CNTN4: variants seen among roughly 807,000 people sequenced by gnomAD.
CNTN4 encodes contactin-4.
In CNTN4, 77 loss-of-function variants were observed where a neutral mutation model predicts 122.5. The observed-to-expected ratio is 0.63, with a 90% CI of 0.52 to 0.76. CNTN4 has a LOEUF of 0.76. CNTN4 is among the 30% of genes least tolerant of loss of function. The pLI is 0.00. For missense variants in CNTN4, 1,256 were observed against 1,259.1 expected (o/e 1.00, Z 0.04); for synonymous variants, 512 against 447.0 (o/e 1.15, Z -1.83).
At chr3:2,416,080 C>G (rs969535232) in intron 3 of CNTN4, among the ~76,000 whole-genome samples, 33 of 151,858 alleles carry the variant, frequency 2.2e-4, no homozygotes, top group African/African-American at 7.5e-4. Context: ...TACTAGTGTG[C>G]CATGTTCTCA....
intron 3 of CNTN4, among the ~76,000 whole-genome samples, chr3:2,509,805 C>A (rs1022641715): frequency 2.6e-5 from 4 of 152,130 alleles, no homozygotes; most frequent in African/African-American, 7.2e-5. Flanking sequence ...GAAAGCCTCA[C>A]CTTTCTCTAC....
chr3:2,408,080 T>G (rs982405314), intron 3 of CNTN4, among the ~76,000 whole-genome samples: 2 of 152,208 alleles, frequency 1.3e-5, no homozygotes. Flanking sequence ...TAGCACTTAT[T>G]TGTTGCTTTG....
intron 3 of CNTN4, among the ~76,000 whole-genome samples, chr3:2,441,461 T>C (rs2048436524): frequency 6.6e-6 from 1 of 152,198 alleles, no homozygotes; most frequent in African/African-American, 2.4e-5. Flanking sequence ...AGACTCTTGT[T>C]CATGGAGAAA....
chr3:3,054,852 T>A (rs1315691537), intron 24 of CNTN4, among the ~76,000 whole-genome samples: 2 of 152,170 alleles, frequency 1.3e-5, no homozygotes, highest in African/African-American at 4.8e-5. Context: ...GTTATGTGTA[T>A]TTTACAGCAA....
chr3:2,403,244 A>T (rs1479440891), intron 3 of CNTN4, among the ~76,000 whole-genome samples: 2 of 152,058 alleles, frequency 1.3e-5, no homozygotes, highest in African/African-American at 4.8e-5. Flanking sequence ...CATCCCTTAC[A>T]CTAGATATAA....
intron 4 of CNTN4, among the ~76,000 whole-genome samples, chr3:2,633,966 G>C (rs2082550301): frequency 6.6e-6 from 1 of 152,168 alleles, no homozygotes; most frequent in Admixed American, 6.5e-5. Flanking sequence ...ATGAAGAAAT[G>C]CTTGCCTACT....
At chr3:2,378,994 A>G (rs925368394) in intron 3 of CNTN4, among the ~76,000 whole-genome samples, 1 of 152,062 alleles carries the variant, frequency 6.6e-6, no homozygotes, top group African/African-American at 2.4e-5. Flanking sequence ...CACTTCAACA[A>G]TTTTCCTTTT....
At chr3:2,163,401 T>C (rs561884347) in intron 2 of CNTN4, among the ~76,000 whole-genome samples, 4 of 152,182 alleles carry the variant, frequency 2.6e-5, no homozygotes, top group African/African-American at 9.6e-5. Context: ...ATAGAAATTC[T>C]AGAAGATACA....
At chr3:2,834,491 C>T (rs971777468) in intron 7 of CNTN4, among the ~76,000 whole-genome samples, 3 of 152,066 alleles carry the variant, frequency 2.0e-5, no homozygotes, top group Non-Finnish European at 4.4e-5. Context: ...TGCTTGAACC[C>T]AGCAGGCGAA....
chr3:2,199,875 G>A (rs73099913), intron 2 of CNTN4, among the ~76,000 whole-genome samples: 3,889 of 152,098 alleles, frequency 0.026, 165 homozygotes, highest in African/African-American at 0.089. Context: ...CTTAACAGAG[G>A]GAATAACTTG....
intron 3 of CNTN4, among the ~76,000 whole-genome samples, chr3:2,514,682 A>G (rs909264332): frequency 1.3e-5 from 2 of 152,134 alleles, no homozygotes; most frequent in African/African-American, 4.8e-5. Context: ...CTGTGCCTCA[A>G]TAGCCCCCAG....
rs868752471 is a variant in CNTN4 at position 2,386,959 on chromosome 3, T to A, written c.-89+47726T>A. On this transcript the variant is annotated intron_variant, in intron 3 of 24. Transcript: ENST00000418658. ...GCAAACCCGTGAACCTCTGTTTCTC[T>A]CCATCTGTTGGCTTTGCATCTTTAC... Among the ~76,000 whole-genome samples, 3 of 152,196 alleles carry A rather than the reference T, an allele frequency of 2.0e-5. No homozygotes were observed. In the South Asian group the frequency reaches 6.2e-4, roughly 31 times the overall value.
intron 24 of CNTN4, among the ~76,000 whole-genome samples, chr3:3,054,706 G>T (rs1211865607): frequency 6.6e-6 from 1 of 152,208 alleles, no homozygotes; most frequent in Non-Finnish European, 1.5e-5. Flanking sequence ...AGTGGGGAAT[G>T]GGGGTTTAGG....
At chr3:2,153,591 G>C (rs2035586310) in intron 2 of CNTN4, among the ~76,000 whole-genome samples, 1 of 152,196 alleles carries the variant, frequency 6.6e-6, no homozygotes, top group Non-Finnish European at 1.5e-5. Flanking sequence ...GAAGGAGACA[G>C]AAATGAAATG....
At chr3:2,789,732 C>T (rs943379689) in intron 6 of CNTN4, among the ~76,000 whole-genome samples, 4 of 152,118 alleles carry the variant, frequency 2.6e-5, no homozygotes, top group Non-Finnish European at 4.4e-5. Context: ...TGCCTGGCCT[C>T]GGATTTATTT....
intron 6 of CNTN4, among the ~76,000 whole-genome samples, chr3:2,781,742 T>G (rs1244413808): frequency 4.1e-5 from 4 of 98,368 alleles, no homozygotes; most frequent in Admixed American, 1.0e-4. Context: ...TTTTTTTTTT[T>G]GAGACGGAGT....
chr3:2,222,679 C>T (rs906935504), intron 2 of CNTN4, among the ~76,000 whole-genome samples: 9 of 151,984 alleles, frequency 5.9e-5, no homozygotes, highest in African/African-American at 1.9e-4. Flanking sequence ...ACACACACCC[C>T]AGGGTACCAA....
At chr3:3,039,093 C>T in intron 19 of CNTN4, 90 bp downstream of exon 19, 1 of 1,148,810 alleles carries the variant, frequency 8.7e-7, no homozygotes, top group Non-Finnish European at 1.3e-6. Flanking sequence ...GAAGTTTCCT[C>T]CTCTGTTTTT....
At chr3:2,694,612 C>G (rs2085920892) in intron 4 of CNTN4, among the ~76,000 whole-genome samples, 1 of 152,154 alleles carries the variant, frequency 6.6e-6, no homozygotes, top group Non-Finnish European at 1.5e-5. Flanking sequence ...TGCCTGTAAT[C>G]CCAGCTACTT....
Sources: gnomAD v4.1 joint callset for allele counts (sites outside exome capture counted in the v4.1 genomes callset) on GRCh38, gnomAD v4.1.1 for gene constraint, MANE v1.5 for transcripts, NCBI Gene and HGNC (gene_info 2026-07-23, HGNC 2026-07-21) for gene names.